EPHA8: variants seen among roughly 807,000 people sequenced by gnomAD.
EPHA8 encodes EPH receptor A8, also known as ephrin type-A receptor 8.
In EPHA8, 58 loss-of-function variants were observed where a neutral mutation model predicts 103.6. The ratio of observed to expected loss-of-function variants is 0.56; its 90% CI spans 0.45 to 0.70. The LOEUF is 0.70. EPHA8 is among the 30% of genes least tolerant of loss of function. The probability of loss-of-function intolerance (pLI) is 0.00; values close to 1 mark genes in which losing one functional copy is unlikely to be tolerated. For synonymous variants in EPHA8, 559 were observed against 572.5 expected, an observed-to-expected ratio of 0.98 and a Z score of 0.34; for missense variants, 1,304 against 1,395.2, an observed-to-expected ratio of 0.93 and a Z score of 1.04.
intron 1 of EPHA8, among the ~76,000 whole-genome samples, chr1:22,568,863 G>C (rs1021642523): frequency 6.6e-6 from 1 of 152,220 alleles, no homozygotes; most frequent in Non-Finnish European, 1.5e-5. Flanking sequence ...TGTGGGACCG[G>C]AATTGTTATC....
chr1:22,595,944 C>G (rs71638848), intron 8 of EPHA8, among the ~76,000 whole-genome samples, 162 bp from the exon 9 acceptor site: 19,488 of 152,226 alleles, frequency 0.13, 1,445 homozygotes, highest in African/African-American at 0.2. Context: ...GGGTTGAGAG[C>G]CTGGAGTCAG....
intron 3 of EPHA8, among the ~76,000 whole-genome samples, chr1:22,578,067 GA>G (rs1213683793): frequency 9.2e-3 from 269 of 29,358 alleles, no homozygotes; most frequent in Middle Eastern, 0.029. Flanking sequence ...ATGTGTGCAT[GA>G]GTATGTATGC....
Position 22,565,594 on chromosome 1 carries a change from A to C in EPHA8, c.94+1865A>C, listed in dbSNP as rs116034855. ...GGTGCACCCCCAACCCCCTGCCTCA[A>C]CTCTCTTCTCTGGGAAGGAGCCAGC... is the stretch of plus-strand genomic sequence containing the variant. On this transcript the variant is annotated intron_variant, in intron 1 of 16. Coordinates refer to ENST00000166244, the MANE Select transcript of EPHA8 (RefSeq NM_020526.5). Among the ~76,000 whole-genome samples the C allele has an allele frequency of 1.3e-3, 194 of 151,978 alleles. 1 individual carries two copies. Among genetic ancestry groups the C allele is most frequent in the African/African-American group, 4.7e-3 (193 of 41,478 alleles).
In EPHA8 at chr1:22,576,628, T is replaced by G; in HGVS notation, c.571T>G (p.Cys191Gly). 6.2e-7 allele frequency: 1 copy of G among 1,613,856 alleles called. No homozygotes were observed. Among genetic ancestry groups the G allele is most frequent in the Admixed American group, 1.7e-5 (1 of 60,016 alleles). ...CCTGGCCTTCCAGGACATAGGTGCC[T>G]GCCTGGCCATCCTCTCTCTCCGCAT... ...FYLAFQDIGA[C>G]LAILSLRIYY... is the part of the protein sequence containing the mutation. Residue 191 changes from cysteine (C) to glycine (G), a missense_variant, in exon 3 of 17, where the codon TGC (cysteine) becomes GGC (glycine). Cys to Gly is a radical substitution (Grantham distance 159, BLOSUM62 -3). Transcript: ENST00000166244. The surrounding 1 kb of genome is among the most constrained non-coding windows in gnomAD (Gnocchi z 4.8).
chr1:22,596,518 G>A (rs1201829346), intron 9 of EPHA8, among the ~76,000 whole-genome samples: 3 of 152,196 alleles, frequency 2.0e-5, no homozygotes, highest in Non-Finnish European at 2.9e-5. Flanking sequence ...AGGCGAATCT[G>A]GAGATGCCTC....
At chr1:22,601,139 G>C in intron 15 of EPHA8, 51 bp downstream of exon 15, 1 of 1,565,760 alleles carries the variant, frequency 6.4e-7, no homozygotes, top group East Asian at 2.3e-5. Context: ...TCCCAGTATT[G>C]CCCCAGATCT....
rs1290026909 is a variant in EPHA8 at position 22,576,221 on chromosome 1, A to T, written c.164A>T (p.Asp55Val). 6.2e-7 allele frequency: 1 copy of T among 1,604,502 alleles called. No homozygotes were observed. Among genetic ancestry groups the T allele is most frequent in the Non-Finnish European group, 8.5e-7 (1 of 1,174,574 alleles). Residue 55 changes from aspartate (D) to valine (V), a missense_variant, in exon 3 of 17, where the codon GAC becomes GTC. Asp to Val is a radical substitution (Grantham distance 152). Transcript: ENST00000166244. This position sits in a 1 kb window ranked among gnomAD's most constrained non-coding sequence, Gnocchi z 4.8. ...CTGTGTTCTCTCTGCCCACAGTGGG[A>T]CTCCATCAACGAGGTGGACGAGTCC... ...GWLTYPAHGWDSINEVDESFQ... is the reference protein window; with the variant it reads ...GWLTYPAHGWVSINEVDESFQ...
chr1:22,570,292 A>G (rs1289988396), intron 2 of EPHA8, among the ~76,000 whole-genome samples: 2 of 151,118 alleles, frequency 1.3e-5, no homozygotes, highest in Non-Finnish European at 2.9e-5. Flanking sequence ...GCGCGTACAC[A>G]CACATGCACA....
chr1:22,582,267 G>A (rs186260889), intron 3 of EPHA8, among the ~76,000 whole-genome samples: 86 of 152,298 alleles, frequency 5.6e-4, no homozygotes, highest in African/African-American at 2.0e-3. Flanking sequence ...AGGGCGTGGA[G>A]TCAGGGGGTC....
intron 3 of EPHA8, among the ~76,000 whole-genome samples, chr1:22,577,983 A>G (rs62639714): frequency 4.1e-3 from 3 of 728 alleles, no homozygotes; most frequent in African/African-American, 0.019. Context: ...GTATGTGTGC[A>G]TGTGTGCATG....
chr1:22,563,630 C>T lies in EPHA8; in HGVS notation c.-6C>T, dbSNP rs1640260681. 1 of 137,596 alleles carries T rather than the reference C, an allele frequency of 7.3e-6. No individual in the cohort carries two copies. Among genetic ancestry groups the T allele is most frequent in the African/African-American group, 3.1e-5 (1 of 32,706 alleles). 8.5% of individuals were successfully genotyped at this position (137,596 alleles called of 1,614,324 possible). On this transcript the variant is annotated 5_prime_UTR_variant, in exon 1 of 17. Transcript: ENST00000166244. This position sits in a 1 kb window ranked among gnomAD's most constrained non-coding sequence, Gnocchi z 4.4. ...GGCGCCCCCGCCCGCCCGGCCCGGC[C>T]CGGCCATGGCCCCCGCCCGGGGCCG...
chr1:22,576,429 C>T lies in EPHA8; in HGVS notation c.372C>T (p.Leu124=). The part of the protein sequence containing the change: ...VLGTCKETFN[L]YYLESDRDLG... ...GCACCTGCAAGGAGACCTTCAACCT[C>T]TACTACCTGGAGTCGGACCGCGACC... Residue 124 remains leucine (L), a synonymous_variant, in exon 3 of 17, where the codon CTC becomes CTT. Coordinates refer to ENST00000166244, the MANE Select transcript of EPHA8 (RefSeq NM_020526.5). The surrounding 1 kb of genome is among the most constrained non-coding windows in gnomAD (Gnocchi z 4.8). 4 of 1,614,040 alleles carry T rather than the reference C, an allele frequency of 2.5e-6. No individual in the cohort carries two copies. Among genetic ancestry groups the T allele is most frequent in the Non-Finnish European group, 3.4e-6 (4 of 1,180,052 alleles).
intron 4 of EPHA8, among the ~76,000 whole-genome samples, chr1:22,587,779 T>G (rs1323334906): frequency 6.6e-6 from 1 of 152,178 alleles, no homozygotes; most frequent in African/African-American, 2.4e-5. Flanking sequence ...TCCCTGCACA[T>G]GGCAGGCGAG....
In EPHA8 at chr1:22,589,780, C is replaced by A. The variant is rs765368952; in HGVS notation, c.1315+574C>A. 2.0e-5 allele frequency among the ~76,000 whole-genome samples: 3 copies of A among 152,080 alleles called. No individual in the cohort carries two copies. The highest frequency in any genetic ancestry group is 2.9e-5 in the Non-Finnish European group (2 of 68,016). ...TCTTTCTTCCCAAACTCTGGAGGAC[C>A]CTGCCCGTCAAGTGACAGCGTGACC... On this transcript the variant is annotated intron_variant, in intron 5 of 16. Transcript: ENST00000166244. This position sits in a 1 kb window ranked among gnomAD's most constrained non-coding sequence, Gnocchi z 4.3.
intron 13 of EPHA8, among the ~76,000 whole-genome samples, chr1:22,600,268 GAAGGAAGGAAGGGATGAGGA>G (rs1191279437): frequency 2.7e-5 from 4 of 150,394 alleles, no homozygotes; most frequent in South Asian, 2.1e-4. Context: ...AGGAAGAAGG[GAAGGAAGGAAGGGATGAGGA>G]AAGGAAGGAA....
rs369486893 is a variant in EPHA8, at chr1:22,600,444, C to A, written c.2389-217C>A. The stretch of plus-strand genomic sequence containing the variant: ...TGGCTTGTGGCTGGTATTGGCCGAG[C>A]ATCTGCTTGTACCAGGCGTCTCACT... On this transcript the variant is annotated intron_variant, in intron 13 of 16. Transcript: ENST00000166244. 3.3e-5 allele frequency among the ~76,000 whole-genome samples: 5 copies of A among 151,990 alleles called. No homozygotes were observed. In the East Asian group the frequency reaches 5.8e-4, roughly 18 times the overall value.
At position 22,589,176 on chromosome 1, in the gene EPHA8, G is replaced by A. The variant is rs765172041; in HGVS notation, c.1285G>A (p.Ala429Thr). The A allele has an allele frequency of 3.7e-5, 60 of 1,613,848 alleles. No homozygotes were observed. Among genetic ancestry groups the A allele is most frequent in the Non-Finnish European group, 4.7e-5 (55 of 1,179,928 alleles). The change falls in exon 5 of 17, where the codon GCT becomes ACT. Residue 429 changes from alanine to threonine, a missense_variant. Transcript: ENST00000166244. The surrounding 1 kb of genome is among the most constrained non-coding windows in gnomAD (Gnocchi z 4.3). ...CCTGAGCCCCGAGCCCCGCCGGGCC[G>A]CTGTGGTCAACATCACCACGAACCA... is the stretch of plus-strand genomic sequence containing the variant. ...SDLSPEPRRA[A>T]VVNITTNQAA...
Position 22,598,953 on chromosome 1 carries a change from A to T in EPHA8, c.2294A>T (p.Asn765Ile), listed in dbSNP as rs768903431. 3 of 1,610,648 alleles carry T rather than the reference A, an allele frequency of 1.9e-6. No individual in the cohort carries two copies. The highest frequency in any genetic ancestry group is 2.5e-6 in the Non-Finnish European group (3 of 1,179,486). The change falls in exon 13 of 17, where the codon AAC (asparagine) becomes ATC (isoleucine). Residue 765 changes from asparagine to isoleucine, a missense_variant. Transcript: ENST00000166244. This position sits in a 1 kb window ranked among gnomAD's most constrained non-coding sequence, Gnocchi z 5.1. Reference protein sequence around the residue: ...GYVHRDLAARNVLVDSNLVCK... With the variant: ...GYVHRDLAARIVLVDSNLVCK... ...GTCCACCGAGACCTGGCCGCCCGCA[A>T]CGTCCTGGTTGACAGCAACCTGGTC...
At chr1:22,587,419 C>T (rs562079697) in intron 4 of EPHA8, among the ~76,000 whole-genome samples, 84 of 152,316 alleles carry the variant, frequency 5.5e-4, no homozygotes, top group Non-Finnish European at 7.5e-4. Flanking sequence ...ACACCTGGCC[C>T]TGCAAGGGTG....
Sources: gnomAD v4.1 joint callset for allele counts (sites outside exome capture counted in the v4.1 genomes callset) on GRCh38, gnomAD v4.1.1 for gene constraint, Gnocchi (gnomAD v3.1) non-coding constraint, MANE v1.5 for transcripts, NCBI Gene and HGNC (gene_info 2026-07-23, HGNC 2026-07-21) for gene names.